The following MAN1A2 variants were observed in gnomAD, a reference collection of about 807,000 sequenced individuals.
MAN1A2 encodes the protein mannosyl-oligosaccharide 1,2-alpha-mannosidase IB.
Under a neutral mutation model 75.7 loss-of-function variants are expected in MAN1A2, and 26 were observed. The observed-to-expected ratio is 0.34, with a 90% CI of 0.25 to 0.48. The LOEUF is 0.48. Ranked by LOEUF, MAN1A2 falls within the 20% of genes least tolerant of loss-of-function variation. MAN1A2 has a pLI of 0.99. For synonymous variants in MAN1A2, 247 were observed against 264.6 expected, an observed-to-expected ratio of 0.93 and a Z score of 0.65; for missense variants, 562 against 775.5, an observed-to-expected ratio of 0.72 and a Z score of 3.27.
At chr1:117,417,709 C>CTCTG (rs928310923) in intron 4 of MAN1A2, among the ~76,000 whole-genome samples, 21 of 135,994 alleles carry the variant, frequency 1.5e-4, no homozygotes, top group African/African-American at 6.0e-4. Flanking sequence ...CACACACACT[C>CTCTG]TCTCTCTCTC....
chr1:117,405,064 A>C (rs1397536171), intron 2 of MAN1A2, among the ~76,000 whole-genome samples: 1 of 152,154 alleles, frequency 6.6e-6, no homozygotes, highest in East Asian at 1.9e-4. Flanking sequence ...AAAAATAAAT[A>C]AAATAAATTT....
intron 1 of MAN1A2, among the ~76,000 whole-genome samples, chr1:117,397,026 A>G (rs1653924948): frequency 6.6e-6 from 1 of 151,668 alleles, no homozygotes; most frequent in South Asian, 2.1e-4. Flanking sequence ...TTTTGGGTTA[A>G]GTATACTTTT....
At chr1:117,376,843 A>G (rs1172426958) in intron 1 of MAN1A2, among the ~76,000 whole-genome samples, 2 of 152,242 alleles carry the variant, frequency 1.3e-5, no homozygotes, top group South Asian at 2.1e-4. Flanking sequence ...TATTTCCTGA[A>G]CAATACAGTA....
At chr1:117,430,049 C>G (rs866760357) in intron 5 of MAN1A2, among the ~76,000 whole-genome samples, 2 of 36,694 alleles carry the variant, frequency 5.5e-5, no homozygotes, top group Admixed American at 1.8e-4. Context: ...CCCCACCTCC[C>G]TCCCGGACGG....
At chr1:117,513,122 C>T (rs896400334) in intron 12 of MAN1A2, among the ~76,000 whole-genome samples, 1 of 152,084 alleles carries the variant, frequency 6.6e-6, no homozygotes, top group African/African-American at 2.4e-5. Flanking sequence ...CTACCCACCC[C>T]CAAACTCTAA....
intron 6 of MAN1A2, among the ~76,000 whole-genome samples, chr1:117,454,498 C>T (rs929065153): frequency 5.9e-5 from 9 of 152,282 alleles, no homozygotes; most frequent in South Asian, 4.1e-4. Context: ...AAAAGTCGAT[C>T]TCAAATTCTA....
At chr1:117,496,577 G>C (rs1166235110) in intron 9 of MAN1A2, among the ~76,000 whole-genome samples, 186 bp from the exon 10 acceptor site, 1 of 151,910 alleles carries the variant, frequency 6.6e-6, no homozygotes, top group African/African-American at 2.4e-5. Context: ...TTCAGATATT[G>C]GTTCCAGATT....
At chr1:117,481,794 T>G (rs1435062104) in intron 8 of MAN1A2, among the ~76,000 whole-genome samples, 2 of 151,992 alleles carry the variant, frequency 1.3e-5, no homozygotes, top group African/African-American at 4.8e-5. Flanking sequence ...ACTGGCACAC[T>G]GTTAACGTTT....
intron 1 of MAN1A2, among the ~76,000 whole-genome samples, chr1:117,397,645 C>CCT (rs1553231118): frequency 9.2e-4 from 97 of 105,884 alleles, no homozygotes; most frequent in African/African-American, 3.5e-3. Flanking sequence ...TTATAACCCC[C>CCT]TTTTTTTTTT....
chr1:117,409,417 G>C (rs1032646520), intron 3 of MAN1A2, among the ~76,000 whole-genome samples: 8 of 146,108 alleles, frequency 5.5e-5, no homozygotes, highest in African/African-American at 2.1e-4. Flanking sequence ...ATTTTGTTAG[G>C]ATCAGAGAAT....
intron 4 of MAN1A2, among the ~76,000 whole-genome samples, chr1:117,420,179 G>T (rs1648140246): frequency 6.6e-6 from 1 of 151,976 alleles, no homozygotes; most frequent in African/African-American, 2.4e-5. Flanking sequence ...TAAAAATTAT[G>T]CTGTAGTGAT....
At chr1:117,422,831 C>T (rs1368198896) in intron 5 of MAN1A2, among the ~76,000 whole-genome samples, 1 of 152,060 alleles carries the variant, frequency 6.6e-6, no homozygotes, top group African/African-American at 2.4e-5. Context: ...ATAATCTATA[C>T]ATTTGCAATT....
At chr1:117,404,360 C>T (rs931567002) in intron 2 of MAN1A2, among the ~76,000 whole-genome samples, 1 of 152,150 alleles carries the variant, frequency 6.6e-6, no homozygotes, top group African/African-American at 2.4e-5. Context: ...ATTAAATACT[C>T]TGCTATTGTA....
At chr1:117,388,012 C>T (rs1391370613) in intron 1 of MAN1A2, among the ~76,000 whole-genome samples, 1 of 137,676 alleles carries the variant, frequency 7.3e-6, no homozygotes, top group Non-Finnish European at 1.5e-5. Flanking sequence ...TCTCCAAATA[C>T]TATCACTTTG....
intron 8 of MAN1A2, among the ~76,000 whole-genome samples, chr1:117,472,113 C>T (rs1466901346): frequency 6.6e-6 from 1 of 151,840 alleles, no homozygotes; most frequent in African/African-American, 2.4e-5. Flanking sequence ...TTCACTAAGT[C>T]TTGTCAGTTC....
intron 6 of MAN1A2, among the ~76,000 whole-genome samples, chr1:117,443,533 C>T (rs184679944): frequency 2.4e-4 from 37 of 152,050 alleles, no homozygotes; most frequent in Non-Finnish European, 4.0e-4. Context: ...AACTTAATTC[C>T]GATAGGAAGA....
At chr1:117,408,302 T>TA (rs1245208449) in intron 3 of MAN1A2, among the ~76,000 whole-genome samples, 1,981 of 119,634 alleles carry the variant, frequency 0.017, 21 homozygotes, top group African/African-American at 0.019. Context: ...CCCTTTCTCT[T>TA]AAAAAAAAAA....
intron 5 of MAN1A2, among the ~76,000 whole-genome samples, chr1:117,428,641 T>G (rs887156734): frequency 6.6e-6 from 1 of 151,832 alleles, no homozygotes; most frequent in Admixed American, 6.6e-5. Context: ...AAAGACACAC[T>G]TAATAGAGAG....
intron 4 of MAN1A2, among the ~76,000 whole-genome samples, chr1:117,417,545 A>ATG (rs1648037608): frequency 7.1e-6 from 1 of 140,660 alleles, no homozygotes; most frequent in African/African-American, 2.6e-5. Flanking sequence ...ATATATATAT[A>ATG]TATATATATA....
Sources: gnomAD v4.1 joint callset for allele counts (sites outside exome capture counted in the v4.1 genomes callset) on GRCh38, gnomAD v4.1.1 for gene constraint, MANE v1.5 for transcripts, NCBI Gene and HGNC (gene_info 2026-07-23, HGNC 2026-07-21) for gene names.